The following GALNT14 variants were observed in gnomAD, a reference collection of about 807,000 sequenced individuals.
GALNT14 encodes the protein polypeptide N-acetylgalactosaminyltransferase 14, also known as UDP-GalNAc:polypeptide N-acetylgalactosaminyltransferase 14.
Under a neutral mutation model 77.5 loss-of-function variants are expected in GALNT14, and 60 were observed. The ratio of observed to expected loss-of-function variants is 0.77; its 90% CI spans 0.63 to 0.96. The LOEUF (loss-of-function observed/expected upper bound fraction) is 0.96, where lower values mean the gene tolerates loss of function less well. Among genes scored for constraint, GALNT14 ranks in the 40% least tolerant of loss-of-function variants. The pLI is 0.00. For missense variants in GALNT14, 710 were observed against 731.0 expected, an observed-to-expected ratio of 0.97 and a Z score of 0.33; for synonymous variants, 280 against 281.7, an observed-to-expected ratio of 0.99 and a Z score of 0.06.
Position 31,137,955 on chromosome 2 carries a change from T to A in GALNT14, c.129+3A>T. The A allele has an allele frequency of 6.2e-7, 1 of 1,609,746 alleles. No homozygotes were observed. Among genetic ancestry groups the A allele is most frequent in the Non-Finnish European group, 8.5e-7 (1 of 1,177,996 alleles). On this transcript the variant is annotated splice_donor_region_variant and intron_variant, in intron 1 of 14. Coordinates refer to ENST00000349752, the MANE Select transcript of GALNT14 (RefSeq NM_024572.4). ...AGCGCCAGCGCGCCGGCAAGCCGCC[T>A]ACCTTAGGGGTCTGCACTTCAGGTC...
At chr2:31,137,539 GGCAGCTGCGGGAAGGAGGTCAGC>G (rs1261792073) in intron 1 of GALNT14, among the ~76,000 whole-genome samples, 1 of 152,072 alleles carries the variant, frequency 6.6e-6, no homozygotes, top group African/African-American at 2.4e-5. Context: ...GGTCGGGCCT[GGCAGCTGCGGGAAGGAGGTCAGC>G]GCAGCCGCCA....
At chr2:31,117,588 A>G (rs1480089175) in intron 1 of GALNT14, among the ~76,000 whole-genome samples, 1 of 152,178 alleles carries the variant, frequency 6.6e-6, no homozygotes, top group African/African-American at 2.4e-5. Flanking sequence ...GTGAATGGAG[A>G]TATGACCATA....
chr2:31,108,706 C>A (rs1168266750), intron 1 of GALNT14, among the ~76,000 whole-genome samples: 1 of 152,208 alleles, frequency 6.6e-6, no homozygotes, highest in Non-Finnish European at 1.5e-5. Flanking sequence ...CAAACAGTGT[C>A]CTTGGGGAAT....
intron 13 of GALNT14, 124 bp from the exon 14 acceptor site, chr2:30,912,466 A>T: frequency 9.4e-7 from 1 of 1,065,726 alleles, no homozygotes; most frequent in Non-Finnish European, 1.4e-6. Context: ...CCCAGTAGGC[A>T]ATGATCATCA....
At chr2:30,985,670 A>T (rs112737574) in intron 2 of GALNT14, among the ~76,000 whole-genome samples, 2,171 of 152,254 alleles carry the variant, frequency 0.014, 56 homozygotes, top group African/African-American at 0.05. Flanking sequence ...GAACTCAGAG[A>T]TCAAACTCAG....
At chr2:30,984,551 G>A (rs1669180865) in intron 2 of GALNT14, among the ~76,000 whole-genome samples, 1 of 152,166 alleles carries the variant, frequency 6.6e-6, no homozygotes, top group South Asian at 2.1e-4. Context: ...ATGTCCCCAA[G>A]TTATCTTCCA....
intron 4 of GALNT14, among the ~76,000 whole-genome samples, chr2:30,956,531 C>T (rs572660417): frequency 1.4e-3 from 217 of 152,246 alleles, no homozygotes; most frequent in Non-Finnish European, 2.6e-3. Flanking sequence ...GTTTTTGAGA[C>T]GGAATCTCGC....
chr2:31,049,497 G>A (rs549459143), intron 1 of GALNT14, among the ~76,000 whole-genome samples: 3 of 152,292 alleles, frequency 2.0e-5, no homozygotes, highest in Non-Finnish European at 2.9e-5. Context: ...CTGCTGGGCC[G>A]GGACATGGAA....
chr2:30,920,755 G>A (rs946371362), intron 13 of GALNT14, among the ~76,000 whole-genome samples: 1 of 152,096 alleles, frequency 6.6e-6, no homozygotes, highest in African/African-American at 2.4e-5. Context: ...CAGATTACTT[G>A]GAAATGTATC....
intron 1 of GALNT14, among the ~76,000 whole-genome samples, chr2:31,108,131 C>T (rs1184729206): frequency 6.6e-6 from 1 of 152,162 alleles, no homozygotes; most frequent in African/African-American, 2.4e-5. Context: ...CATAGGCTCC[C>T]CAGCCAGGCA....
At chr2:31,068,507 C>CAAAAAAAAAA (rs56916863) in intron 1 of GALNT14, among the ~76,000 whole-genome samples, 1 of 104,330 alleles carries the variant, frequency 9.6e-6, no homozygotes, top group African/African-American at 3.6e-5. Context: ...GACCCCGTCT[C>CAAAAAAAAAA]AAAAAAAAAA....
At chr2:30,932,798 ACCACTGGGGAAGAG>A (rs1288087689) in intron 9 of GALNT14, among the ~76,000 whole-genome samples, 2 of 152,172 alleles carry the variant, frequency 1.3e-5, no homozygotes, top group East Asian at 3.9e-4. Context: ...ATGCAATTCT[ACCACTGGGGAAGAG>A]CCACCTGAAT....
intron 1 of GALNT14, among the ~76,000 whole-genome samples, chr2:31,024,927 G>A (rs1212944704): frequency 6.6e-6 from 1 of 152,160 alleles, no homozygotes; most frequent in Non-Finnish European, 1.5e-5. Context: ...CATAGAGGGA[G>A]GCCCAGACCA....
chr2:30,961,615 C>A (rs867679088), intron 3 of GALNT14, among the ~76,000 whole-genome samples: 1 of 152,204 alleles, frequency 6.6e-6, no homozygotes, highest in South Asian at 2.1e-4. Context: ...AGCAGCATCA[C>A]CGTCACCTAG....
intron 11 of GALNT14, among the ~76,000 whole-genome samples, chr2:30,926,128 G>T (rs1189315775): frequency 6.6e-6 from 1 of 152,190 alleles, no homozygotes; most frequent in East Asian, 1.9e-4. Context: ...CTCATCACCA[G>T]ACTCTAAGCT....
intron 1 of GALNT14, among the ~76,000 whole-genome samples, chr2:31,013,792 T>TA (rs1288690218): frequency 2.0e-5 from 3 of 152,048 alleles, no homozygotes; most frequent in African/African-American, 4.8e-5. Context: ...TGGTTCAAAA[T>TA]AAAAAACCCA....
At chr2:30,942,734 A>G (rs1476892160) in intron 8 of GALNT14, among the ~76,000 whole-genome samples, 1 of 152,194 alleles carries the variant, frequency 6.6e-6, no homozygotes, top group African/African-American at 2.4e-5. Flanking sequence ...GCAGAGGAGA[A>G]GGGCTGAGGC....
At chr2:30,993,444 C>T (rs924577640) in intron 1 of GALNT14, among the ~76,000 whole-genome samples, 1 of 152,206 alleles carries the variant, frequency 6.6e-6, no homozygotes, top group Non-Finnish European at 1.5e-5. Context: ...TCTGAGAATA[C>T]CTGGTATGAA....
the GALNT14 span, among the ~76,000 whole-genome samples, chr2:30,891,724 T>C: frequency 6.6e-6 from 1 of 152,164 alleles, no homozygotes; most frequent in African/African-American, 2.4e-5. Flanking sequence ...ATGCCCCTTG[T>C]TGATTCAATC....
Sources: gnomAD v4.1 joint callset for allele counts (sites outside exome capture counted in the v4.1 genomes callset) on GRCh38, gnomAD v4.1.1 for gene constraint, MANE v1.5 for transcripts, NCBI Gene and HGNC (gene_info 2026-07-23, HGNC 2026-07-21) for gene names.